The following SH3GLB1 variants were observed in gnomAD, a reference collection of about 807,000 sequenced individuals.
SH3GLB1 encodes SH3 domain containing GRB2 like, endophilin B1, also known as endophilin-B1.
SH3GLB1 carries 17 observed loss-of-function variants against 42.0 expected under a neutral mutation model. That is an observed-to-expected ratio of 0.40 (90% CI 0.28 to 0.61). The LOEUF (loss-of-function observed/expected upper bound fraction) is 0.61, where lower values mean the gene tolerates loss of function less well. Among genes scored for constraint, SH3GLB1 ranks in the 20% least tolerant of loss-of-function variants. The pLI is 0.36. For synonymous variants in SH3GLB1, 132 were observed against 146.6 expected, an observed-to-expected ratio of 0.90 and a Z score of 0.72; for missense variants, 355 against 426.3, an observed-to-expected ratio of 0.83 and a Z score of 1.47.
At chr1:86,719,435 TG>T (rs1654733463) in intron 2 of SH3GLB1, 71 bp from the exon 3 acceptor site, 4 of 1,385,444 alleles carry the variant, frequency 2.9e-6, no homozygotes, top group South Asian at 1.4e-5. Context: ...TGGCTGCTGA[TG>T]GGGGAAAAAA....
chr1:86,709,771 G>A (rs575598502), intron 1 of SH3GLB1, among the ~76,000 whole-genome samples: 13 of 152,152 alleles, frequency 8.5e-5, no homozygotes, highest in South Asian at 8.3e-4. Flanking sequence ...TATGAAATTC[G>A]TGAACACCAG....
chr1:86,708,874 C>T (rs896056335), intron 1 of SH3GLB1, among the ~76,000 whole-genome samples: 2 of 152,076 alleles, frequency 1.3e-5, no homozygotes, highest in Admixed American at 1.3e-4. Flanking sequence ...TCCAAAATAT[C>T]TTCTACTTAT....
intron 5 of SH3GLB1, chr1:86,728,378 C>A: frequency 7.4e-7 from 1 of 1,348,486 alleles, no homozygotes; most frequent in South Asian, 1.3e-5. Flanking sequence ...ATAATGTGTT[C>A]TTTGTCTCTT....
At chr1:86,713,082 C>A (rs1654305768) in intron 1 of SH3GLB1, among the ~76,000 whole-genome samples, 1 of 152,038 alleles carries the variant, frequency 6.6e-6, no homozygotes, top group African/African-American at 2.4e-5. Context: ...AAAACTTGCC[C>A]TGAACCCCAG....
At chr1:86,736,625 G>T (rs558535810) in intron 7 of SH3GLB1, among the ~76,000 whole-genome samples, 3 of 152,036 alleles carry the variant, frequency 2.0e-5, no homozygotes, top group Admixed American at 1.3e-4. Flanking sequence ...GCTTATACTC[G>T]CATTCTACTT....
At chr1:86,722,468 G>C (rs1300623889) in intron 3 of SH3GLB1, 72 bp from the exon 4 acceptor site, 1 of 1,417,584 alleles carries the variant, frequency 7.1e-7, no homozygotes, top group African/African-American at 1.5e-5. Context: ...CCAAATTGCT[G>C]ATTTATCTTT....
chr1:86,742,320 A>G lies in SH3GLB1; in HGVS notation c.874A>G (p.Ile292Val), dbSNP rs1388018305. 2 of 1,614,112 alleles carry G rather than the reference A, an allele frequency of 1.2e-6. No individual in the cohort carries two copies. Among genetic ancestry groups the G allele is most frequent in the Non-Finnish European group, 1.7e-6 (2 of 1,180,016 alleles). ...SAMASTSGLV[I>V]TSPSNLSDLK... ...CATGGCTTCAACAAGTGGCCTAGTA[A>G]TCACCTCTCCTTCCAACCTCAGTGA... The change falls in exon 8 of 9, where the codon ATC becomes GTC. Residue 292 changes from isoleucine to valine, a missense_variant. Coordinates refer to ENST00000370558, the MANE Select transcript of SH3GLB1 (RefSeq NM_016009.5).
chr1:86,711,695 T>G (rs1429901624), intron 1 of SH3GLB1, among the ~76,000 whole-genome samples: 1 of 152,106 alleles, frequency 6.6e-6, no homozygotes, highest in African/African-American at 2.4e-5. Flanking sequence ...AACTAAAATT[T>G]TTATGGGTTA....
chr1:86,721,700 G>A (rs1409892163), intron 3 of SH3GLB1, among the ~76,000 whole-genome samples: 1 of 152,114 alleles, frequency 6.6e-6, no homozygotes, highest in Non-Finnish European at 1.5e-5. Context: ...ATAACTGCAA[G>A]GATGTAGAAA....
chr1:86,709,228 C>T (rs1364709316), intron 1 of SH3GLB1, among the ~76,000 whole-genome samples: 1 of 152,178 alleles, frequency 6.6e-6, no homozygotes, highest in East Asian at 1.9e-4. Context: ...AAGGCATCAA[C>T]TCTGTTTCTT....
intron 5 of SH3GLB1, among the ~76,000 whole-genome samples, chr1:86,724,884 A>ATATATATAT (rs1436043734): frequency 1.9e-4 from 20 of 104,300 alleles, no homozygotes; most frequent in African/African-American, 9.5e-4. Flanking sequence ...TAAAAAAAAA[A>ATATATATAT]AAAAAAAAAT....
intron 7 of SH3GLB1, among the ~76,000 whole-genome samples, chr1:86,737,809 G>C (rs1655849510): frequency 6.6e-6 from 1 of 152,192 alleles, no homozygotes; most frequent in Non-Finnish European, 1.5e-5. Context: ...GATGGGAGTA[G>C]AGAAAGACGT....
intron 3 of SH3GLB1, among the ~76,000 whole-genome samples, chr1:86,721,387 G>A (rs968445846): frequency 4.6e-5 from 7 of 152,168 alleles, no homozygotes; most frequent in Admixed American, 4.6e-4. Context: ...GTCACAGCTA[G>A]TATAGTAATT....
chr1:86,728,335 G>C, intron 5 of SH3GLB1: 1 of 689,902 alleles, frequency 1.4e-6, no homozygotes, highest in Non-Finnish European at 2.3e-6. Context: ...TATTTATTGT[G>C]AAGAAGTAAT....
chr1:86,738,137 A>C (rs1289673495), intron 7 of SH3GLB1, among the ~76,000 whole-genome samples: 1 of 152,204 alleles, frequency 6.6e-6, no homozygotes, highest in Non-Finnish European at 1.5e-5. Flanking sequence ...TATTGCAATA[A>C]TGTAGTCAGT....
chr1:86,705,232 A>G (rs1015929900), intron 1 of SH3GLB1, among the ~76,000 whole-genome samples: 2 of 151,982 alleles, frequency 1.3e-5, no homozygotes, highest in African/African-American at 4.8e-5. Flanking sequence ...CCTGGGGAAC[A>G]CTAAGGCTGC....
At chr1:86,741,638 AATAGTAT>A (rs1656062345) in intron 7 of SH3GLB1, among the ~76,000 whole-genome samples, 2 of 152,160 alleles carry the variant, frequency 1.3e-5, no homozygotes, top group Non-Finnish European at 2.9e-5. Context: ...TCCTTAAGGG[AATAGTAT>A]CATTTCATCT....
At chr1:86,735,952 G>A (rs1214380827) in intron 7 of SH3GLB1, among the ~76,000 whole-genome samples, 1 of 152,192 alleles carries the variant, frequency 6.6e-6, no homozygotes, top group African/African-American at 2.4e-5. Context: ...CTGTGACTGA[G>A]GTACATCTAG....
At chr1:86,718,577 T>C (rs954462466) in intron 2 of SH3GLB1, among the ~76,000 whole-genome samples, 1 of 152,236 alleles carries the variant, frequency 6.6e-6, no homozygotes, top group African/African-American at 2.4e-5. Flanking sequence ...ATTTTTTAAA[T>C]TTTCAGTGCA....
Sources: allele counts gnomAD v4.1 joint callset (sites outside exome capture counted in the v4.1 genomes callset), GRCh38; gene constraint gnomAD v4.1.1; transcripts MANE v1.5; gene names NCBI Gene and HGNC (gene_info 2026-07-23, HGNC 2026-07-21).